LRRK1: variants seen among roughly 807,000 people sequenced by gnomAD.
The protein encoded by LRRK1 is leucine rich repeat kinase 1.
LRRK1 carries 113 observed loss-of-function variants against 209.1 expected under a neutral mutation model. The observed-to-expected ratio is 0.54, with a 90% CI of 0.46 to 0.63. The LOEUF (loss-of-function observed/expected upper bound fraction) is 0.63. Among genes scored for constraint, LRRK1 ranks in the 30% least tolerant of loss-of-function variants. The pLI, the probability that LRRK1 is intolerant of heterozygous loss-of-function variation, is 0.00. For synonymous variants in LRRK1, 1,144 were observed against 1,099.7 expected, an observed-to-expected ratio of 1.04 and a Z score of -0.80; for missense variants, 2,284 against 2,632.2, an observed-to-expected ratio of 0.87 and a Z score of 2.89.
chr15:100,944,688 A>G (rs1488791426), intron 2 of LRRK1, among the ~76,000 whole-genome samples: 1 of 152,176 alleles, frequency 6.6e-6, no homozygotes, highest in Non-Finnish European at 1.5e-5. Flanking sequence ...GCTGGAGTCA[A>G]TTTCTGTTGT....
chr15:101,047,362 C>T (rs1028511351), intron 21 of LRRK1, among the ~76,000 whole-genome samples: 1 of 152,178 alleles, frequency 6.6e-6, no homozygotes, highest in Non-Finnish European at 1.5e-5. Context: ...TGGGCGCAGG[C>T]GCTGGTGCTC....
In LRRK1 at chr15:100,989,192, C is replaced by T. The variant is rs2032029365; in HGVS notation, c.614-58C>T. 4 of 1,486,858 alleles carry T rather than the reference C, an allele frequency of 2.7e-6. No individual in the cohort carries two copies. In the South Asian group the frequency reaches 3.5e-5, roughly 13 times the overall value. 92.1% of individuals were successfully genotyped at this position (1,486,858 alleles called of 1,614,324 possible). Reference sequence around the variant, plus strand: ...ATTCCACATATCAGAGTCTGCCCTTCCAACGACTGTGACACTAGCATCTGC... The same window carrying T: ...ATTCCACATATCAGAGTCTGCCCTTTCAACGACTGTGACACTAGCATCTGC... On this transcript the variant is annotated intron_variant, in intron 5 of 33. Transcript: ENST00000388948.
At chr15:100,934,780 G>T (rs989547547) in intron 2 of LRRK1, among the ~76,000 whole-genome samples, 5 of 140,564 alleles carry the variant, frequency 3.6e-5, no homozygotes, top group African/African-American at 1.3e-4. Context: ...TTCAGCCTGG[G>T]TGACACAGCA....
intron 2 of LRRK1, among the ~76,000 whole-genome samples, chr15:100,959,444 C>A (rs113105778): frequency 6.6e-6 from 1 of 152,216 alleles, no homozygotes; most frequent in South Asian, 2.1e-4. Flanking sequence ...GGAAATTCTG[C>A]AAGTCCTTTC....
chr15:100,973,734 C>T (rs2031104878), intron 2 of LRRK1, 70 bp from the exon 3 acceptor site: 2 of 1,237,152 alleles, frequency 1.6e-6, no homozygotes, highest in African/African-American at 1.6e-5. Context: ...CTGCTGTGTT[C>T]CACGGTGATT....
At chr15:101,012,247 T>C (rs1296448674) in intron 10 of LRRK1, 102 bp downstream of exon 10, 4 of 1,066,416 alleles carry the variant, frequency 3.8e-6, no homozygotes, top group Non-Finnish European at 5.5e-6. Flanking sequence ...CTGAGATAAA[T>C]ATAAGGGGAA....
intron 2 of LRRK1, among the ~76,000 whole-genome samples, chr15:100,941,340 G>GTGTGTGTGTGTC (rs1567190748): frequency 4.7e-5 from 7 of 147,548 alleles, no homozygotes; most frequent in Admixed American, 6.6e-5. Flanking sequence ...GTGTCTCTGT[G>GTGTGTGTGTGTC]TGTGTCTTTG....
intron 4 of LRRK1, among the ~76,000 whole-genome samples, chr15:100,986,876 T>C (rs1304334411): frequency 6.6e-6 from 1 of 152,222 alleles, no homozygotes; most frequent in African/African-American, 2.4e-5. Context: ...GTCCTTTCCC[T>C]GTAGTTTTTC....
chr15:101,022,667 C>T lies in LRRK1; in HGVS notation c.2067+70C>T. On this transcript the variant is annotated intron_variant, in intron 15 of 33. Coordinates refer to ENST00000388948, the MANE Select transcript of LRRK1 (RefSeq NM_024652.6). This position sits in a 1 kb window ranked among gnomAD's most constrained non-coding sequence, Gnocchi z 4.0. Reference sequence around the variant, plus strand: ...ATCCCTTGGACTCCTTCTCCCTTCTCCCCAGAGAGCCCAGGATTTTCTCAG... The same window carrying T: ...ATCCCTTGGACTCCTTCTCCCTTCTTCCCAGAGAGCCCAGGATTTTCTCAG... 9.0e-7 allele frequency: 1 copy of T among 1,106,820 alleles called. No individual in the cohort carries two copies. Among genetic ancestry groups the T allele is most frequent in the Non-Finnish European group, 1.3e-6 (1 of 777,840 alleles). The allele number at this position is 1,106,820 out of a possible 1,614,324, so 68.6% of individuals were successfully genotyped here. A position where few individuals can be genotyped will look rare whatever the true frequency, so the allele number is the denominator to read the frequency against.
rs1596204665 is a variant in LRRK1, at chr15:100,962,814, T to TATATACACATATATATATATATAC, written c.98-10985_98-10984insCACATATATATATATATACATATA. Among the ~76,000 whole-genome samples the TATATACACATATATATATATATAC allele has an allele frequency of 6.5e-4, 22 of 33,918 alleles. 5 individuals carry two copies. The highest frequency in any genetic ancestry group is 0.016 in the Middle Eastern group (1 of 64). 22.3% of individuals were successfully genotyped at this position (33,918 alleles called of 152,430 possible). A position where few individuals can be genotyped will look rare whatever the true frequency, so the allele number is the denominator to read the frequency against. ...TTTTGCATATATATATATATATATATATATATATATTTTTTTTTTTTTTTT... is the reference window on the plus strand; with the variant it reads ...TTTTGCATATATATATATATATATATATATACACATATATATATATATACATATATATATTTTTTTTTTTTTTTT... On this transcript the variant is annotated intron_variant, in intron 2 of 33. Transcript: ENST00000388948.
rs967506220 is a variant in LRRK1, at chr15:101,009,052, C to A, written c.978C>A (p.Ile326=). 9.9e-6 allele frequency: 16 copies of A among 1,613,760 alleles called. No individual in the cohort carries two copies. The African/African-American group carries it at 2.1e-4, about 22-fold the overall frequency. The stretch of plus-strand genomic sequence containing the variant: ...CTGGCGTGCAGTCATCGGACGAAAT[C>A]ATCTGTTCCAGGTGGCTCCCCGGGG... ...ELPGVQSSDE[I]ICSRLLEIDI... The change falls in exon 7 of 34, where the codon ATC becomes ATA. Residue 326 remains isoleucine, a synonymous_variant. Transcript: ENST00000388948.
At chr15:101,016,417 C>G (rs1277483564) in intron 12 of LRRK1, among the ~76,000 whole-genome samples, 2 of 151,144 alleles carry the variant, frequency 1.3e-5, no homozygotes, top group African/African-American at 2.4e-5. Flanking sequence ...AACTCCTGAC[C>G]TCAAGTGATC....
At chr15:100,981,746 T>C (rs1009315916) in intron 3 of LRRK1, among the ~76,000 whole-genome samples, 1 of 152,208 alleles carries the variant, frequency 6.6e-6, no homozygotes, top group Non-Finnish European at 1.5e-5. Context: ...GTTAGGAGGA[T>C]TGAATGTGGC....
At chr15:100,974,299 C>T (rs112759752) in intron 3 of LRRK1, among the ~76,000 whole-genome samples, 4,008 of 152,182 alleles carry the variant, frequency 0.026, 169 homozygotes, top group African/African-American at 0.091. Context: ...GTAGCACATG[C>T]TGGAAAAATA....
chr15:100,939,396 G>GT (rs1447379636), intron 2 of LRRK1, among the ~76,000 whole-genome samples: 2 of 152,150 alleles, frequency 1.3e-5, no homozygotes, highest in Non-Finnish European at 2.9e-5. Context: ...CCTTCCCTAT[G>GT]TTTTTGTAGA....
intron 26 of LRRK1, among the ~76,000 whole-genome samples, chr15:101,053,994 T>C (rs550937197): frequency 4.1e-4 from 62 of 152,314 alleles, no homozygotes; most frequent in African/African-American, 1.4e-3. Flanking sequence ...TTTACTTTTT[T>C]TTAATACAGG....
At chr15:101,045,874 A>T (rs2035045637) in intron 20 of LRRK1, 107 bp from the exon 21 acceptor site, 3 of 888,066 alleles carry the variant, frequency 3.4e-6, no homozygotes, top group Admixed American at 2.1e-5. Flanking sequence ...CAGCAGCCTG[A>T]GGTGTTCCAG....
chr15:101,010,553 G>C lies in LRRK1; in HGVS notation c.1093G>C (p.Glu365Gln), dbSNP rs1482604307. Residue 365 changes from glutamate to glutamine, a missense_variant, in exon 8 of 34, where the codon GAA (glutamate) becomes CAA (glutamine). By Grantham distance (29) the Glu-to-Gln change is conservative (BLOSUM62 2). This residue lies in a region of LRRK1 where 494 missense variants were observed against 522.1 expected (regional missense o/e 0.95). Transcript: ENST00000388948. ...QKLTASKNCL[E>Q]KLFEEENATN... ...ACTGACAGCTTCAAAAAATTGTTTA[G>C]AAAAATTGTTCGAAGAAGAAAATGG... is the stretch of plus-strand genomic sequence containing the variant. 1 of 1,611,790 alleles carries C rather than the reference G, an allele frequency of 6.2e-7. No homozygotes were observed. The highest frequency in any genetic ancestry group is 1.1e-5 in the South Asian group (1 of 89,974).
rs1255274485 is a variant in LRRK1, at chr15:101,071,667, G to A, written c.*2819G>A. 3 of 152,214 alleles carry A rather than the reference G, an allele frequency of 2.0e-5. No individual in the cohort carries two copies. Among genetic ancestry groups the A allele is most frequent in the African/African-American group, 4.8e-5 (2 of 41,446 alleles). The allele number at this position is 152,214 out of a possible 1,614,324, so 9.4% of individuals were successfully genotyped here. Reference sequence around the variant, plus strand: ...ATCCTCCCAAAGTGCTGGGATTACAGGTGTGAGCTACCTGCGCTGGCCGAA... The same window carrying A: ...ATCCTCCCAAAGTGCTGGGATTACAAGTGTGAGCTACCTGCGCTGGCCGAA... On this transcript the variant is annotated 3_prime_UTR_variant, in exon 34 of 34. Transcript: ENST00000388948.
Sources: allele counts gnomAD v4.1 joint callset (sites outside exome capture counted in the v4.1 genomes callset), GRCh38; gene constraint gnomAD v4.1.1; regional missense constraint gnomAD v4.1.1; non-coding constraint Gnocchi (gnomAD v3.1); transcripts MANE v1.5; gene names NCBI Gene and HGNC (gene_info 2026-07-23, HGNC 2026-07-21).